The following TMEM117 variants were observed in gnomAD, a reference collection of about 807,000 sequenced individuals.
TMEM117 encodes the protein transmembrane protein 117.
TMEM117 carries 27 observed loss-of-function variants against 52.4 expected under a neutral mutation model. The observed-to-expected ratio is 0.51, with a 90% CI of 0.38 to 0.71. The LOEUF (loss-of-function observed/expected upper bound fraction) is 0.71, where lower values mean the gene tolerates loss of function less well. Ranked by LOEUF, TMEM117 falls within the 30% of genes least tolerant of loss-of-function variation. The pLI, the probability that TMEM117 is intolerant of heterozygous loss-of-function variation, is 0.00. For missense variants in TMEM117, 556 were observed against 630.5 expected (o/e 0.88, Z 1.26); for synonymous variants, 215 against 206.3 (o/e 1.04, Z -0.36).
chr12:43,830,251 G>T, the TMEM117 span, among the ~76,000 whole-genome samples: 1 of 152,106 alleles, frequency 6.6e-6, no homozygotes, highest in Non-Finnish European at 1.5e-5. Flanking sequence ...CACCACGCAA[G>T]TAACAGCTGT....
the TMEM117 span, among the ~76,000 whole-genome samples, chr12:43,814,266 G>A: frequency 6.6e-6 from 1 of 152,084 alleles, no homozygotes; most frequent in African/African-American, 2.4e-5. Context: ...AATGGGAGAT[G>A]GTCAAAGGGA....
At chr12:44,377,797 G>A (rs961253086) in intron 7 of TMEM117, among the ~76,000 whole-genome samples, 3 of 152,206 alleles carry the variant, frequency 2.0e-5, no homozygotes, top group African/African-American at 7.2e-5. Flanking sequence ...AATAGTCTGA[G>A]CCCAGAAAAC....
At chr12:44,319,064 A>T (rs1951097025) in intron 6 of TMEM117, among the ~76,000 whole-genome samples, 1 of 152,136 alleles carries the variant, frequency 6.6e-6, no homozygotes, top group Admixed American at 6.5e-5. Flanking sequence ...GCACAATTCC[A>T]GCACCTACAA....
chr12:44,165,846 G>A (rs1009965848), intron 4 of TMEM117, among the ~76,000 whole-genome samples: 2 of 152,110 alleles, frequency 1.3e-5, no homozygotes, highest in Non-Finnish European at 2.9e-5. Context: ...AGAAACATTG[G>A]ATTTAAACTG....
At chr12:44,078,795 G>T (rs192688492) in intron 3 of TMEM117, among the ~76,000 whole-genome samples, 7 of 151,906 alleles carry the variant, frequency 4.6e-5, no homozygotes, top group Admixed American at 3.3e-4. Flanking sequence ...ATGCCATGGT[G>T]GTTTGCTGCA....
chr12:44,129,155 C>T (rs1017229821), intron 3 of TMEM117, among the ~76,000 whole-genome samples: 7 of 152,202 alleles, frequency 4.6e-5, no homozygotes, highest in Non-Finnish European at 7.3e-5. Context: ...CTGCATGGGC[C>T]ACAGCGCTGT....
rs572081894 is a variant in TMEM117 at position 44,192,770 on chromosome 12, G to A, written c.511-18520G>A. Among the ~76,000 whole-genome samples the A allele has an allele frequency of 4.1e-3, 620 of 152,270 alleles. 4 individuals are homozygous for A. Among genetic ancestry groups the A allele is most frequent in the Middle Eastern group, 0.02 (6 of 294 alleles). ...ATGATTGTATTTAATCTGCATCCTG[G>A]CTCTGCTGTACTGTGACACTGAACC... On this transcript the variant is annotated intron_variant, in intron 4 of 7. Coordinates refer to ENST00000266534, the MANE Select transcript of TMEM117 (RefSeq NM_032256.3).
intron 7 of TMEM117, among the ~76,000 whole-genome samples, chr12:44,378,031 C>T (rs1462191800): frequency 1.3e-5 from 2 of 152,186 alleles, no homozygotes; most frequent in African/African-American, 4.8e-5. Flanking sequence ...AGAGTCCCCA[C>T]TTAATCTCTG....
chr12:44,370,037 T>C (rs1023446872), intron 6 of TMEM117, among the ~76,000 whole-genome samples: 2 of 152,204 alleles, frequency 1.3e-5, no homozygotes, highest in Admixed American at 1.3e-4. Context: ...CTTGCCTTAA[T>C]GCTCCTCCTG....
At chr12:43,799,539 T>G in the TMEM117 span, 14 of 1,239,594 alleles carry the variant, frequency 1.1e-5, no homozygotes, top group South Asian at 1.6e-5. Flanking sequence ...AGTAATTCTC[T>G]AGAAGTAAAA....
chr12:43,975,331 C>T (rs866295936), intron 3 of TMEM117, among the ~76,000 whole-genome samples: 3 of 152,176 alleles, frequency 2.0e-5, no homozygotes, highest in Non-Finnish European at 4.4e-5. Flanking sequence ...TCAGACTCTG[C>T]TTCAAATCCT....
intron 3 of TMEM117, among the ~76,000 whole-genome samples, chr12:44,049,575 C>T (rs984752614): frequency 2.0e-5 from 3 of 151,202 alleles, no homozygotes; most frequent in Non-Finnish European, 4.4e-5. Flanking sequence ...AAAAGAAATG[C>T]CTGGGTTAGT....
At chr12:44,086,451 G>A (rs1385384089) in intron 3 of TMEM117, among the ~76,000 whole-genome samples, 3 of 152,002 alleles carry the variant, frequency 2.0e-5, no homozygotes, top group East Asian at 3.9e-4. Context: ...TCCTGACCTC[G>A]TGATCCGCCC....
chr12:43,860,995 G>A (rs2137396613), intron 2 of TMEM117, among the ~76,000 whole-genome samples: 1 of 152,184 alleles, frequency 6.6e-6, no homozygotes, highest in Admixed American at 6.5e-5. Flanking sequence ...TTATGGGGCT[G>A]TCCACCTCAC....
chr12:44,038,313 T>C (rs1946742908), intron 3 of TMEM117, among the ~76,000 whole-genome samples: 2 of 152,112 alleles, frequency 1.3e-5, no homozygotes, highest in Non-Finnish European at 2.9e-5. Context: ...GGCTCTGCAG[T>C]TCCTGGCATC....
intron 2 of TMEM117, among the ~76,000 whole-genome samples, chr12:43,867,696 A>AT (rs1943628491): frequency 6.6e-6 from 1 of 152,236 alleles, no homozygotes; most frequent in African/African-American, 2.4e-5. Context: ...TATCAGACAA[A>AT]AGTAACCAAA....
In TMEM117 at chr12:44,095,172, A is replaced by G. The variant is rs528486397; in HGVS notation, c.411-48353A>G. On this transcript the variant is annotated intron_variant, in intron 3 of 7. Transcript: ENST00000266534. ...TCTGTGCTGTACATGCACATGACCC[A>G]TGTACAATGCATATTACACAAGCAT... Among the ~76,000 whole-genome samples the G allele has an allele frequency of 1.6e-4, 24 of 152,228 alleles. No individual in the cohort carries two copies. In the South Asian group the frequency reaches 4.8e-3, roughly 30 times the overall value.
At chr12:44,374,215 A>G (rs890017614) in intron 6 of TMEM117, among the ~76,000 whole-genome samples, 2 of 152,208 alleles carry the variant, frequency 1.3e-5, no homozygotes, top group East Asian at 1.9e-4. Context: ...CTGAAGAGGT[A>G]TCTAGAGTAG....
At position 44,327,021 on chromosome 12, in the gene TMEM117, A is replaced by G. The variant is rs115154603; in HGVS notation, c.768+27282A>G. On this transcript the variant is annotated intron_variant, in intron 6 of 7. Transcript: ENST00000266534. ...TTTGACCTAATACAAAAGATAAGTCATTAAAAAACTTGATAAAGTACTTAT... is the reference window on the plus strand; with the variant it reads ...TTTGACCTAATACAAAAGATAAGTCGTTAAAAAACTTGATAAAGTACTTAT... 7.1e-3 allele frequency among the ~76,000 whole-genome samples: 1,088 copies of G among 152,318 alleles called. 11 individuals are homozygous for G. The highest frequency in any genetic ancestry group is 0.024 in the African/African-American group (989 of 41,576).
Sources: gnomAD v4.1 joint callset for allele counts (sites outside exome capture counted in the v4.1 genomes callset) on GRCh38, gnomAD v4.1.1 for gene constraint, MANE v1.5 for transcripts, NCBI Gene and HGNC (gene_info 2026-07-23, HGNC 2026-07-21) for gene names.